The following OSBPL10 variants were observed in gnomAD, a reference collection of about 807,000 sequenced individuals.
The protein encoded by OSBPL10 is oxysterol binding protein like 10, also known as oxysterol-binding protein-related protein 10.
Under a neutral mutation model 81.7 loss-of-function variants are expected in OSBPL10, and 49 were observed. The ratio of observed to expected loss-of-function variants is 0.60; its 90% CI spans 0.48 to 0.76. The LOEUF (loss-of-function observed/expected upper bound fraction) is 0.76. Among genes scored for constraint, OSBPL10 ranks in the 30% least tolerant of loss-of-function variants. OSBPL10 has a pLI of 0.00. For synonymous variants in OSBPL10, 419 were observed against 383.6 expected (o/e 1.09, Z -1.08); for missense variants, 923 against 987.8 (o/e 0.93, Z 0.88).
chr3:31,788,066 C>T (rs1297281063), intron 4 of OSBPL10, among the ~76,000 whole-genome samples: 1 of 151,990 alleles, frequency 6.6e-6, no homozygotes, highest in Non-Finnish European at 1.5e-5. Context: ...TAATACTTCC[C>T]AAAGGACATA....
intron 1 of OSBPL10, among the ~76,000 whole-genome samples, chr3:32,071,242 A>C (rs1397287446): frequency 6.6e-6 from 1 of 151,736 alleles, no homozygotes; most frequent in African/African-American, 2.4e-5. Flanking sequence ...TCAAACCCCA[A>C]CTCCTTCTAT....
intron 7 of OSBPL10, among the ~76,000 whole-genome samples, chr3:31,693,600 C>T (rs1695621773): frequency 6.6e-6 from 1 of 152,144 alleles, no homozygotes; most frequent in Admixed American, 6.5e-5. Flanking sequence ...AACCCATGGG[C>T]CAAATCTTCA....
chr3:31,900,385 C>T (rs1211652226), intron 1 of OSBPL10, among the ~76,000 whole-genome samples: 8 of 152,084 alleles, frequency 5.3e-5, no homozygotes, highest in African/African-American at 1.9e-4. Flanking sequence ...TCTTGTTCTG[C>T]AGCCCTGTTC....
At chr3:31,857,740 A>C (rs1173000124) in intron 3 of OSBPL10, among the ~76,000 whole-genome samples, 2 of 118,358 alleles carry the variant, frequency 1.7e-5, no homozygotes, top group East Asian at 5.6e-4. Context: ...GGCAACCACT[A>C]CTACTAGCCT....
At chr3:31,710,110 A>C (rs765239940) in intron 6 of OSBPL10, among the ~76,000 whole-genome samples, 3 of 152,182 alleles carry the variant, frequency 2.0e-5, no homozygotes, top group African/African-American at 4.8e-5. Flanking sequence ...GAAAGCTTGG[A>C]GATCTGGCTG....
intron 4 of OSBPL10, among the ~76,000 whole-genome samples, chr3:31,791,828 A>C (rs1575546812): frequency 6.6e-6 from 1 of 151,746 alleles, no homozygotes; most frequent in East Asian, 1.9e-4. Flanking sequence ...ATTGGGTTTC[A>C]AAGACTACAT....
chr3:32,070,461 G>T (rs1299700473), intron 1 of OSBPL10, among the ~76,000 whole-genome samples: 1 of 151,900 alleles, frequency 6.6e-6, no homozygotes, highest in Non-Finnish European at 1.5e-5. Flanking sequence ...AGCCTCCTTC[G>T]TGTCTTCCTC....
At chr3:31,924,075 G>A (rs1200382410) in intron 1 of OSBPL10, among the ~76,000 whole-genome samples, 1 of 151,770 alleles carries the variant, frequency 6.6e-6, no homozygotes, top group Non-Finnish European at 1.5e-5. Flanking sequence ...GAAAATTAGT[G>A]GGCATAGTGG....
chr3:31,765,954 C>T (rs1698182491), intron 4 of OSBPL10, among the ~76,000 whole-genome samples: 1 of 151,924 alleles, frequency 6.6e-6, no homozygotes, highest in African/African-American at 2.4e-5. Context: ...CTTGAAAGAG[C>T]TACTCTTTCT....
At chr3:31,957,412 G>A (rs933586319) in intron 1 of OSBPL10, among the ~76,000 whole-genome samples, 11 of 152,184 alleles carry the variant, frequency 7.2e-5, no homozygotes, top group Admixed American at 3.3e-4. Context: ...CAAGGGAACT[G>A]CACTGGCGAA....
At chr3:32,055,656 T>C (rs2125437568) in intron 1 of OSBPL10, among the ~76,000 whole-genome samples, 1 of 152,338 alleles carries the variant, frequency 6.6e-6, no homozygotes, top group East Asian at 1.9e-4. Context: ...CAAGACACAA[T>C]TGGAGACATT....
chr3:31,902,502 A>G (rs994433791), intron 1 of OSBPL10, among the ~76,000 whole-genome samples: 2 of 151,812 alleles, frequency 1.3e-5, no homozygotes, highest in African/African-American at 4.8e-5. Flanking sequence ...ACCTCAGGCA[A>G]TCCACCTGCC....
At chr3:32,033,772 T>G (rs1699495451) in intron 2 of OSBPL10, among the ~76,000 whole-genome samples, 1 of 152,156 alleles carries the variant, frequency 6.6e-6, no homozygotes, top group African/African-American at 2.4e-5. Context: ...AAATTAAGAA[T>G]TTCTATCAGG....
At chr3:32,036,983 C>A (rs1350747483) in intron 2 of OSBPL10, among the ~76,000 whole-genome samples, 2 of 152,158 alleles carry the variant, frequency 1.3e-5, no homozygotes, top group Non-Finnish European at 2.9e-5. Flanking sequence ...CTAAACTGAT[C>A]TAAACCAAAG....
chr3:31,670,992 A>G lies in OSBPL10; in HGVS notation c.1727-9T>C. The stretch of plus-strand genomic sequence containing the variant: ...CAGGAGCCTCAACACACCTCCAGGG[A>G]GAGAGGAGGGAGAGTTAGGCATGCA... On this transcript the variant is annotated splice_polypyrimidine_tract_variant and intron_variant, in intron 8 of 11. Transcript: ENST00000396556. 2 of 1,602,124 alleles carry G rather than the reference A, an allele frequency of 1.2e-6. No individual in the cohort carries two copies. Among genetic ancestry groups the G allele is most frequent in the Non-Finnish European group, 1.7e-6 (2 of 1,173,472 alleles).
chr3:31,939,143 C>CTTTTT lies in OSBPL10; in HGVS notation c.281+41755_281+41756insAAAAA, dbSNP rs1559525545. The stretch of plus-strand genomic sequence containing the variant: ...GTTTAATGTGCCAAGACTCTCTCAT[C>CTTTTT]CTTTTTTTTTTTTTTTTTTGAGACA... On this transcript the variant is annotated intron_variant, in intron 1 of 11. Transcript: ENST00000396556. Among the ~76,000 whole-genome samples, 5 of 49,700 alleles carry CTTTTT rather than the reference C, an allele frequency of 1.0e-4. 1 individual carries two copies. The highest frequency in any genetic ancestry group is 1.4e-4 in the Non-Finnish European group (3 of 21,828). 32.6% of individuals were successfully genotyped at this position (49,700 alleles called of 152,430 possible).
At chr3:31,994,836 A>T (rs958967165) in intron 2 of OSBPL10, among the ~76,000 whole-genome samples, 4 of 152,166 alleles carry the variant, frequency 2.6e-5, no homozygotes, top group Admixed American at 6.5e-5. Flanking sequence ...CAATATTTCA[A>T]CGTAGGTTCT....
At chr3:31,831,646 C>T (rs1700244146) in intron 3 of OSBPL10, among the ~76,000 whole-genome samples, 1 of 152,238 alleles carries the variant, frequency 6.6e-6, no homozygotes, top group South Asian at 2.1e-4. Context: ...AAAATATGTT[C>T]AACTGTACTC....
At chr3:31,996,872 A>G (rs891332480) in intron 2 of OSBPL10, among the ~76,000 whole-genome samples, 5 of 152,198 alleles carry the variant, frequency 3.3e-5, no homozygotes, top group African/African-American at 1.2e-4. Context: ...TGAGCACTCC[A>G]TTCAATATGG....
Sources: gnomAD v4.1 joint callset for allele counts (sites outside exome capture counted in the v4.1 genomes callset) on GRCh38, gnomAD v4.1.1 for gene constraint, MANE v1.5 for transcripts, NCBI Gene and HGNC (gene_info 2026-07-23, HGNC 2026-07-21) for gene names.